The following ARHGAP32 variants were observed in gnomAD, a reference collection of about 807,000 sequenced individuals.
ARHGAP32 encodes the protein rho GTPase-activating protein 32.
ARHGAP32 carries 51 observed loss-of-function variants against 186.5 expected under a neutral mutation model. That is an observed-to-expected ratio of 0.27 (90% CI 0.22 to 0.35). ARHGAP32 has a LOEUF of 0.35. Among genes scored for constraint, ARHGAP32 ranks in the 10% least tolerant of loss-of-function variants. The pLI, the probability that ARHGAP32 is intolerant of heterozygous loss-of-function variation, is 1.00. For missense variants in ARHGAP32, 2,186 were observed against 2,623.5 expected (o/e 0.83, Z 3.64); for synonymous variants, 950 against 964.3 (o/e 0.99, Z 0.27).
At chr11:129,192,908 A>G (rs1198689511), upstream of ARHGAP32, among the ~76,000 whole-genome samples, 3 of 152,208 alleles carry the variant, frequency 2.0e-5, no homozygotes, top group Admixed American at 6.5e-5. Flanking sequence ...AAGCATGCAA[A>G]GTTTTACACA....
chr11:129,260,376 C>G (rs996561435), intron 1 of ARHGAP32, among the ~76,000 whole-genome samples: 6 of 152,054 alleles, frequency 3.9e-5, no homozygotes, highest in African/African-American at 1.4e-4. Flanking sequence ...GGGTTTTTCT[C>G]ACCCTGTCTC....
At chr11:129,083,794 C>T (rs1008881717) in intron 6 of ARHGAP32, among the ~76,000 whole-genome samples, 18 of 151,882 alleles carry the variant, frequency 1.2e-4, no homozygotes, top group African/African-American at 4.1e-4. Context: ...AAATTAAATC[C>T]AAAGTAAAGA....
In ARHGAP32 at chr11:128,973,350, A is replaced by G; in HGVS notation, c.3156T>C (p.Asn1052=). ...ATGCTAGCGCCAACATTCGGGCAAC[A>G]TTTTTCGGAGGCGGTGGTGGTGGGA... The part of the protein sequence containing the change: ...SLIPPPPPPK[N]VARMLALALA... Residue 1052 remains asparagine (N), a synonymous_variant, in exon 22 of 23, where the codon AAT becomes AAC. Transcript: ENST00000682385. 6.2e-7 allele frequency: 1 copy of G among 1,613,940 alleles called. No homozygotes were observed. The highest frequency in any genetic ancestry group is 8.5e-7 in the Non-Finnish European group (1 of 1,180,012).
At chr11:129,086,553 G>T (rs1941401129) in intron 6 of ARHGAP32, among the ~76,000 whole-genome samples, 1 of 152,184 alleles carries the variant, frequency 6.6e-6, no homozygotes, top group Non-Finnish European at 1.5e-5. Flanking sequence ...CGGGCATGGT[G>T]GCTCACGCCT....
intron 1 of ARHGAP32, among the ~76,000 whole-genome samples, chr11:129,215,128 C>G (rs1944629372): frequency 6.6e-6 from 1 of 152,186 alleles, no homozygotes; most frequent in Non-Finnish European, 1.5e-5. Flanking sequence ...CACAGTAACT[C>G]ACGTGCTGCT....
At chr11:129,195,127 C>A (rs986314066), upstream of ARHGAP32, among the ~76,000 whole-genome samples, 1 of 151,960 alleles carries the variant, frequency 6.6e-6, no homozygotes, top group African/African-American at 2.4e-5. Context: ...TGCCACGACA[C>A]CTGCTAATTT....
chr11:129,078,443 G>A (rs1049217290), intron 6 of ARHGAP32, among the ~76,000 whole-genome samples: 4 of 152,106 alleles, frequency 2.6e-5, no homozygotes, highest in African/African-American at 9.7e-5. Flanking sequence ...CAATGGATCC[G>A]AACAAAAACG....
chr11:129,254,215 T>C (rs1371735326), intron 1 of ARHGAP32, among the ~76,000 whole-genome samples: 1 of 152,060 alleles, frequency 6.6e-6, no homozygotes, highest in African/African-American at 2.4e-5. Context: ...CTGTGATCAT[T>C]AGTAACCTAT....
intron 11 of ARHGAP32, among the ~76,000 whole-genome samples, chr11:129,015,662 C>A (rs548962648): frequency 2.6e-5 from 4 of 152,282 alleles, no homozygotes; most frequent in Admixed American, 6.5e-5. Context: ...GCATGTTTTT[C>A]AAATTCAGAA....
At chr11:129,229,124 T>C (rs1944824730) in intron 1 of ARHGAP32, among the ~76,000 whole-genome samples, 1 of 152,202 alleles carries the variant, frequency 6.6e-6, no homozygotes, top group African/African-American at 2.4e-5. Flanking sequence ...CTCTGTATTT[T>C]AAAGAATACA....
chr11:129,172,425 A>C (rs1591670147), intron 1 of ARHGAP32, among the ~76,000 whole-genome samples: 2 of 152,366 alleles, frequency 1.3e-5, no homozygotes, highest in Admixed American at 1.3e-4. Flanking sequence ...TGTTGAGATA[A>C]TCATGTGGTT....
chr11:129,192,087 A>ACTT lies in ARHGAP32; in HGVS notation c.109_111dup (p.Lys37dup). On this transcript the variant is annotated inframe_insertion, in exon 1 of 23. Transcript: ENST00000682385. ...AACTGTGAATTCCATAATCACCTGA[A>ACTT]CTTCTCTTCCCTTTCTTCCTCTTCA... 6.2e-7 allele frequency: 1 copy of ACTT among 1,611,250 alleles called. No homozygotes were observed. Among genetic ancestry groups the ACTT allele is most frequent in the Non-Finnish European group, 8.5e-7 (1 of 1,177,660 alleles).
Position 128,974,467 on chromosome 11 carries a change from T to C in ARHGAP32, c.2730A>G (p.Gly910=). ...KVVYAFSPKI[G]RKLSKSPSMS... is the part of the protein sequence containing the mutation. ...TAGAAGGTGATTTGCTTAATTTCCG[T>C]CCTATCTTCGGAGAGAAAGCATAGA... Residue 910 remains glycine (G), a synonymous_variant, in exon 21 of 23, where the codon GGA becomes GGG. Transcript: ENST00000682385. 1 of 1,614,192 alleles carries C rather than the reference T, an allele frequency of 6.2e-7. No homozygotes were observed. The highest frequency in any genetic ancestry group is 1.1e-5 in the South Asian group (1 of 91,080).
intron 2 of ARHGAP32, among the ~76,000 whole-genome samples, chr11:129,159,820 C>A (rs1360248990): frequency 3.3e-5 from 5 of 152,190 alleles, no homozygotes; most frequent in Non-Finnish European, 7.3e-5. Context: ...TGAAAATCCT[C>A]AATAAAATAC....
intron 2 of ARHGAP32, among the ~76,000 whole-genome samples, chr11:129,152,809 G>A (rs1943316841): frequency 1.3e-5 from 2 of 152,066 alleles, no homozygotes; most frequent in Non-Finnish European, 2.9e-5. Context: ...TGAAAGCATT[G>A]CCCCTGAGAA....
intron 5 of ARHGAP32, among the ~76,000 whole-genome samples, chr11:129,094,566 C>T (rs1248432912): frequency 6.6e-6 from 1 of 152,216 alleles, no homozygotes; most frequent in Non-Finnish European, 1.5e-5. Context: ...CAACTAGCTA[C>T]AGCTGAGAAA....
At chr11:128,989,679 T>G (rs954684503) in intron 12 of ARHGAP32, among the ~76,000 whole-genome samples, 1 of 152,118 alleles carries the variant, frequency 6.6e-6, no homozygotes, top group East Asian at 1.9e-4. Context: ...TCATCTACAT[T>G]GAGTATTTCT....
At chr11:129,039,517 T>C (rs1286079498) in intron 11 of ARHGAP32, among the ~76,000 whole-genome samples, 3 of 152,022 alleles carry the variant, frequency 2.0e-5, no homozygotes, top group Non-Finnish European at 4.4e-5. Flanking sequence ...ATGTCCAGAA[T>C]AGGGAAATCA....
chr11:129,162,216 G>C (rs1259545288), intron 2 of ARHGAP32, among the ~76,000 whole-genome samples: 1 of 152,058 alleles, frequency 6.6e-6, no homozygotes, highest in Non-Finnish European at 1.5e-5. Context: ...GATGGGTGCA[G>C]CAAACCACCA....
Sources: allele counts gnomAD v4.1 joint callset (sites outside exome capture counted in the v4.1 genomes callset), GRCh38; gene constraint gnomAD v4.1.1; transcripts MANE v1.5; gene names NCBI Gene and HGNC (gene_info 2026-07-23, HGNC 2026-07-21).